Variants in MCU observed in about 807,000 individuals in gnomAD.
MCU encodes calcium uniporter protein, mitochondrial.
Under a neutral mutation model 45.2 loss-of-function variants are expected in MCU, and 12 were observed. The ratio of observed to expected loss-of-function variants is 0.27; its 90% CI spans 0.17 to 0.43. MCU has a LOEUF of 0.43. MCU is among the 20% of genes least tolerant of loss of function. The pLI is 1.00. For synonymous variants in MCU, 160 were observed against 165.1 expected (o/e 0.97, Z 0.24); for missense variants, 324 against 436.7 (o/e 0.74, Z 2.30).
chr10:72,823,906 A>G (rs924335265), intron 1 of MCU, among the ~76,000 whole-genome samples: 10 of 152,144 alleles, frequency 6.6e-5, no homozygotes, highest in South Asian at 4.1e-4. Flanking sequence ...CAAAAATTAA[A>G]AAACTTAGCC....
chr10:72,810,634 G>GGTGGTT (rs111545033), intron 1 of MCU, among the ~76,000 whole-genome samples: 302 of 146,880 alleles, frequency 2.1e-3, no homozygotes, highest in Admixed American at 4.6e-3. Context: ...CGCCCAGCTA[G>GGTGGTT]GTTGTTGTTG....
At chr10:72,780,552 T>TGTGTGTGTGTG (rs770728826) in intron 1 of MCU, among the ~76,000 whole-genome samples, 533 of 20,298 alleles carry the variant, frequency 0.026, 3 homozygotes, top group Non-Finnish European at 0.047. Context: ...GTGTGTGTGT[T>TGTGTGTGTGTG]GGGTGAATTT....
chr10:72,726,020 T>G (rs1843094474), intron 1 of MCU, among the ~76,000 whole-genome samples: 1 of 152,170 alleles, frequency 6.6e-6, no homozygotes, highest in Non-Finnish European at 1.5e-5. Context: ...CGTATATATA[T>G]CCTTCCATAT....
intron 1 of MCU, among the ~76,000 whole-genome samples, chr10:72,787,146 A>C (rs969782282): frequency 1.3e-5 from 2 of 152,230 alleles, no homozygotes; most frequent in African/African-American, 4.8e-5. Flanking sequence ...ACAAAATAAC[A>C]TGTCCTTCTA....
intron 1 of MCU, among the ~76,000 whole-genome samples, chr10:72,790,160 T>C (rs964043117): frequency 8.5e-5 from 13 of 152,238 alleles, no homozygotes; most frequent in African/African-American, 3.1e-4. Flanking sequence ...TCTGTGTATC[T>C]TTCTTAACCC....
At chr10:72,883,310 C>T (rs899962834) in intron 6 of MCU, among the ~76,000 whole-genome samples, 1 of 152,104 alleles carries the variant, frequency 6.6e-6, no homozygotes, top group Non-Finnish European at 1.5e-5. Context: ...AATGATTGTA[C>T]AACTCTGTGA....
intron 1 of MCU, among the ~76,000 whole-genome samples, chr10:72,733,700 TATA>T (rs763853980): frequency 1.9e-4 from 27 of 143,216 alleles, no homozygotes; most frequent in Admixed American, 7.0e-4. Flanking sequence ...TATATATATA[TATA>T]TTTTTTTAAA....
intron 2 of MCU, among the ~76,000 whole-genome samples, chr10:72,835,138 C>A (rs1254179428): frequency 6.6e-6 from 1 of 152,146 alleles, no homozygotes; most frequent in Non-Finnish European, 1.5e-5. Context: ...TATCTTTTTC[C>A]CTACTTAGGC....
At position 72,775,806 on chromosome 10, in the gene MCU, CA is replaced by C. The variant is rs1416550694; in HGVS notation, c.151-58551del. ...AATTCCTGGATACCGTACAACCTACCAAGATTGAACCACGAAGAAATGTAAA... is the reference window on the plus strand; with the variant it reads ...AATTCCTGGATACCGTACAACCTACCAGATTGAACCACGAAGAAATGTAAA... On this transcript the variant is annotated intron_variant, in intron 1 of 7. Coordinates refer to ENST00000373053, the MANE Select transcript of MCU (RefSeq NM_138357.3). 3.9e-5 allele frequency among the ~76,000 whole-genome samples: 6 copies of C among 152,030 alleles called. 1 individual carries two copies. Among genetic ancestry groups the C allele is most frequent in the Admixed American group, 3.3e-4 (5 of 15,248 alleles).
At chr10:72,747,428 G>A (rs546318149) in intron 1 of MCU, among the ~76,000 whole-genome samples, 1 of 152,124 alleles carries the variant, frequency 6.6e-6, no homozygotes, top group Non-Finnish European at 1.5e-5. Flanking sequence ...GTTATGATGA[G>A]GTAATAAGGA....
At chr10:72,771,142 G>A (rs746135612) in intron 1 of MCU, among the ~76,000 whole-genome samples, 3 of 152,104 alleles carry the variant, frequency 2.0e-5, no homozygotes, top group Non-Finnish European at 4.4e-5. Context: ...ATGGTTTGCT[G>A]CACCCATCAA....
chr10:72,732,854 A>G (rs1449500352), intron 1 of MCU, among the ~76,000 whole-genome samples: 1 of 152,218 alleles, frequency 6.6e-6, no homozygotes, highest in Non-Finnish European at 1.5e-5. Flanking sequence ...AAGCTATTGA[A>G]TATATTCTTA....
At chr10:72,839,508 A>G (rs1845014320) in intron 2 of MCU, among the ~76,000 whole-genome samples, 1 of 152,144 alleles carries the variant, frequency 6.6e-6, no homozygotes, top group African/African-American at 2.4e-5. Context: ...TACACAGCAC[A>G]GTGCTTTCAA....
chr10:72,805,939 A>T (rs1284079378), intron 1 of MCU, among the ~76,000 whole-genome samples: 1 of 152,202 alleles, frequency 6.6e-6, no homozygotes, highest in Non-Finnish European at 1.5e-5. Flanking sequence ...TGGTAATTGA[A>T]TGAGGTCTGC....
intron 1 of MCU, among the ~76,000 whole-genome samples, chr10:72,806,919 C>T (rs1844461968): frequency 6.6e-6 from 1 of 152,186 alleles, no homozygotes; most frequent in South Asian, 2.1e-4. Flanking sequence ...TTCAAGAAGA[C>T]ATTGGCCTGG....
chr10:72,811,994 T>C (rs1844550488), intron 1 of MCU, among the ~76,000 whole-genome samples: 1 of 152,158 alleles, frequency 6.6e-6, no homozygotes, highest in African/African-American at 2.4e-5. Context: ...TTGTCATTTA[T>C]GTACTAGATA....
chr10:72,716,874 TA>T (rs1282416147), intron 1 of MCU, among the ~76,000 whole-genome samples: 1 of 152,010 alleles, frequency 6.6e-6, no homozygotes, highest in African/African-American at 2.4e-5. Flanking sequence ...CCCTGTTTCT[TA>T]AAGAAAGAAA....
intron 1 of MCU, among the ~76,000 whole-genome samples, chr10:72,801,231 G>A (rs140405679): frequency 1.4e-4 from 21 of 152,038 alleles, no homozygotes; most frequent in African/African-American, 3.9e-4. Context: ...AGTACTTTTC[G>A]TGTTATTATA....
chr10:72,797,305 C>T (rs1844264843), intron 1 of MCU, among the ~76,000 whole-genome samples: 1 of 151,156 alleles, frequency 6.6e-6, no homozygotes, highest in Admixed American at 6.6e-5. Flanking sequence ...CTCACTGCAA[C>T]CTCCATCTCC....
Sources: allele counts gnomAD v4.1 joint callset (sites outside exome capture counted in the v4.1 genomes callset), GRCh38; gene constraint gnomAD v4.1.1; transcripts MANE v1.5; gene names NCBI Gene and HGNC (gene_info 2026-07-23, HGNC 2026-07-21).